The following ZBTB16 variants were observed in gnomAD, a reference collection of about 807,000 sequenced individuals.
ZBTB16 encodes zinc finger and BTB domain containing 16, also known as zinc finger and BTB domain-containing protein 16.
ZBTB16 carries 8 observed loss-of-function variants against 56.8 expected under a neutral mutation model. The ratio of observed to expected loss-of-function variants is 0.14; its 90% CI spans 0.08 to 0.25. ZBTB16 has a LOEUF of 0.25. ZBTB16 is among the 10% of genes least tolerant of loss of function. ZBTB16 has a pLI of 1.00. For missense variants in ZBTB16, 625 were observed against 903.0 expected, an observed-to-expected ratio of 0.69 and a Z score of 3.95; for synonymous variants, 363 against 368.5, an observed-to-expected ratio of 0.98 and a Z score of 0.17.
chr11:114,154,580 T>A (rs1942358931), intron 2 of ZBTB16, among the ~76,000 whole-genome samples: 1 of 152,190 alleles, frequency 6.6e-6, no homozygotes, highest in Admixed American at 6.5e-5. Flanking sequence ...TTAGGACATG[T>A]CCCAGTGCCC....
intron 4 of ZBTB16, among the ~76,000 whole-genome samples, chr11:114,232,614 G>GGCTGGGCGAGGCTAGGCTTGCTCTGCAGA: frequency 6.6e-6 from 1 of 150,722 alleles, no homozygotes; most frequent in African/African-American, 2.5e-5. Context: ...GGTTGGGTTG[G>GGCTGGGCGAGGCTAGGCTTGCTCTGCAGA]GCTGGGCTAG....
chr11:114,105,731 C>T (rs963650189), intron 2 of ZBTB16, among the ~76,000 whole-genome samples: 5 of 152,120 alleles, frequency 3.3e-5, no homozygotes, highest in Admixed American at 6.6e-5. Context: ...TCTTCTCCTC[C>T]TCTTATCCTA....
intron 2 of ZBTB16, among the ~76,000 whole-genome samples, chr11:114,093,757 C>T (rs1009211779): frequency 1.3e-5 from 2 of 152,180 alleles, no homozygotes; most frequent in Non-Finnish European, 2.9e-5. Context: ...TCTCAGGAGG[C>T]CTAATCTGTA....
At position 114,235,900 on chromosome 11, in the gene ZBTB16, G is replaced by T. The variant is rs1429149150; in HGVS notation, c.1454-6267G>T. Among the ~76,000 whole-genome samples the T allele has an allele frequency of 4.0e-5, 6 of 151,306 alleles. No homozygotes were observed. The East Asian group carries it at 9.7e-4, about 25-fold the overall frequency. The stretch of plus-strand genomic sequence containing the variant: ...GTTGCCACTGGGGGGTCTGGTGTGG[G>T]TCACCTTCTCTGGAGATAGAATTGA... On this transcript the variant is annotated intron_variant, in intron 4 of 6. Coordinates refer to ENST00000335953, the MANE Select transcript of ZBTB16 (RefSeq NM_006006.6).
chr11:114,157,537 G>T (rs1487765723), intron 3 of ZBTB16, among the ~76,000 whole-genome samples: 3 of 152,150 alleles, frequency 2.0e-5, no homozygotes, highest in Admixed American at 1.3e-4. Context: ...TGTTGCCCCG[G>T]GGGGCGTGTC....
At chr11:114,114,342 C>T (rs1941107985) in intron 2 of ZBTB16, among the ~76,000 whole-genome samples, 1 of 152,178 alleles carries the variant, frequency 6.6e-6, no homozygotes, top group African/African-American at 2.4e-5. Flanking sequence ...GACCACCGGG[C>T]TTCAGTGTAT....
chr11:114,182,542 G>A (rs925527752), intron 3 of ZBTB16, among the ~76,000 whole-genome samples: 4 of 152,158 alleles, frequency 2.6e-5, no homozygotes, highest in Admixed American at 1.3e-4. Flanking sequence ...ACCAGCCCCC[G>A]TGTGTAGGAA....
chr11:114,156,613 G>A (rs912641146), intron 3 of ZBTB16, among the ~76,000 whole-genome samples, 179 bp downstream of exon 3: 2 of 152,126 alleles, frequency 1.3e-5, no homozygotes, highest in Non-Finnish European at 1.5e-5. Flanking sequence ...TCCTGATGGC[G>A]GGGCCACTTG....
In ZBTB16 at chr11:114,064,315, A is replaced by G; in HGVS notation, c.1015A>G (p.Asn339Asp). 1 of 1,614,096 alleles carries G rather than the reference A, an allele frequency of 6.2e-7. No homozygotes were observed. The part of the protein sequence containing the change: ...KHLGIYSVLP[N>D]HKADAVLSMP... ...TCTGGGCATCTACTCCGTGTTGCCC[A>G]ACCACAAGGCTGACGCTGTATTGAG... The change falls in exon 2 of 7, where the codon AAC (asparagine) becomes GAC (aspartate). Residue 339 changes from asparagine (N) to aspartate (D), a missense_variant. Coordinates refer to ENST00000335953, the MANE Select transcript of ZBTB16 (RefSeq NM_006006.6). This position sits in a 1 kb window ranked among gnomAD's most constrained non-coding sequence, Gnocchi z 4.2.
chr11:114,123,694 T>G (rs751348555), intron 2 of ZBTB16, among the ~76,000 whole-genome samples: 65 of 152,168 alleles, frequency 4.3e-4, no homozygotes, highest in Non-Finnish European at 7.4e-4. Flanking sequence ...TCTTGTACTT[T>G]CTGAGGAGCA....
intron 2 of ZBTB16, among the ~76,000 whole-genome samples, chr11:114,144,503 G>A (rs1466341575): frequency 2.6e-5 from 4 of 152,118 alleles, no homozygotes; most frequent in East Asian, 1.9e-4. Context: ...AAAGGAATAC[G>A]GCTGACTTCT....
intron 4 of ZBTB16, among the ~76,000 whole-genome samples, chr11:114,210,162 A>AGTGTGTGTGTGTGT (rs139074973): frequency 6.9e-4 from 93 of 134,742 alleles, no homozygotes; most frequent in African/African-American, 2.6e-3. Context: ...AGCCAAAGCT[A>AGTGTGTGTGTGTGT]GTGTGTGTGT....
intron 2 of ZBTB16, among the ~76,000 whole-genome samples, chr11:114,117,143 AG>A (rs1382742759): frequency 3.9e-5 from 6 of 152,230 alleles, no homozygotes; most frequent in Non-Finnish European, 8.8e-5. Flanking sequence ...GCACACGCAA[AG>A]GCCGGGGGAA....
intron 2 of ZBTB16, among the ~76,000 whole-genome samples, chr11:114,151,658 A>G (rs1942280884): frequency 6.6e-6 from 1 of 152,226 alleles, no homozygotes; most frequent in Non-Finnish European, 1.5e-5. Flanking sequence ...CTGGGAAGAC[A>G]TGTGACATTG....
chr11:114,235,793 T>TTTA (rs1462468810), intron 4 of ZBTB16, among the ~76,000 whole-genome samples: 5 of 142,194 alleles, frequency 3.5e-5, no homozygotes, highest in African/African-American at 1.4e-4. Flanking sequence ...TCCTTCTCCT[T>TTTA]TTTTTTTTTT....
intron 3 of ZBTB16, among the ~76,000 whole-genome samples, chr11:114,170,793 A>G (rs1942943527): frequency 6.6e-6 from 1 of 152,242 alleles, no homozygotes; most frequent in Non-Finnish European, 1.5e-5. Context: ...ATGAAAGACC[A>G]CAGTCATTTT....
Position 114,063,726 on chromosome 11 carries a change from C to T in ZBTB16, c.426C>T (p.Ala142=), listed in dbSNP as rs149620068. The T allele has an allele frequency of 1.3e-3, 2,148 of 1,613,958 alleles. 38 individuals are homozygous for T. Among genetic ancestry groups the T allele is most frequent in the South Asian group, 2.7e-4 (25 of 91,082 alleles). Residue 142 remains alanine, a synonymous_variant, in exon 2 of 7, where the codon GCC becomes GCT. Transcript: ENST00000335953. This position sits in a 1 kb window ranked among gnomAD's most constrained non-coding sequence, Gnocchi z 6.5. ...DTEATMADGG[A]EEEEDRKARY... ...AGGCCACCATGGCCGATGGCGGGGCCGAGGAAGAAGAGGACCGCAAGGCTC... is the reference window on the plus strand; with the variant it reads ...AGGCCACCATGGCCGATGGCGGGGCTGAGGAAGAAGAGGACCGCAAGGCTC...
chr11:114,184,096 A>G (rs1325163941), intron 3 of ZBTB16, among the ~76,000 whole-genome samples: 1 of 152,170 alleles, frequency 6.6e-6, no homozygotes, highest in Non-Finnish European at 1.5e-5. Context: ...AAGTGAGTTC[A>G]TATCTTCCAT....
At chr11:114,068,331 C>T (rs1457554711) in intron 2 of ZBTB16, among the ~76,000 whole-genome samples, 1 of 152,076 alleles carries the variant, frequency 6.6e-6, no homozygotes, top group Non-Finnish European at 1.5e-5. Flanking sequence ...GGAATGTCAT[C>T]GGTAAGTTTC....
Sources: gnomAD v4.1 joint callset for allele counts (sites outside exome capture counted in the v4.1 genomes callset) on GRCh38, gnomAD v4.1.1 for gene constraint, Gnocchi (gnomAD v3.1) non-coding constraint, MANE v1.5 for transcripts, NCBI Gene and HGNC (gene_info 2026-07-23, HGNC 2026-07-21) for gene names.